Variants in NCKAP5 observed in about 807,000 individuals in gnomAD.
The protein encoded by NCKAP5 is nck-associated protein 5.
NCKAP5 carries 92 observed loss-of-function variants against 167.0 expected under a neutral mutation model. The ratio of observed to expected loss-of-function variants is 0.55; its 90% CI spans 0.47 to 0.66. The LOEUF (loss-of-function observed/expected upper bound fraction) is 0.66, where lower values mean the gene tolerates loss of function less well. Among genes scored for constraint, NCKAP5 ranks in the 30% least tolerant of loss-of-function variants. NCKAP5 has a pLI of 0.00. For synonymous variants in NCKAP5, 891 were observed against 877.4 expected (o/e 1.02, Z -0.27); for missense variants, 2,378 against 2,315.0 (o/e 1.03, Z -0.56).
At position 133,553,483 on chromosome 2, in the gene NCKAP5, A is replaced by G. The variant is rs572763716; in HGVS notation, c.-62+5567T>C. ...GCAGGGATTTGGAAATAGGGGTTGA[A>G]AAAGAACTCAAAAAATCAGATTCCA... On this transcript the variant is annotated intron_variant, in intron 2 of 19. Coordinates refer to ENST00000409261, the MANE Select transcript of NCKAP5 (RefSeq NM_207363.3). Among the ~76,000 whole-genome samples, 10 of 152,330 alleles carry G rather than the reference A, an allele frequency of 6.6e-5. 1 individual carries two copies. In the East Asian group the frequency reaches 1.9e-3, roughly 29 times the overall value.
At chr2:133,592,999 C>T in the NCKAP5 span, among the ~76,000 whole-genome samples, 27,648 of 152,114 alleles carry the variant, frequency 0.18, 2,764 homozygotes, top group Non-Finnish European at 0.22. Context: ...AGTCCTGTTA[C>T]AATCCAGTTT....
At chr2:133,080,110 C>A (rs2080752711) in intron 6 of NCKAP5, among the ~76,000 whole-genome samples, 1 of 152,062 alleles carries the variant, frequency 6.6e-6, no homozygotes, top group Non-Finnish European at 1.5e-5. Flanking sequence ...CATACAAGAC[C>A]ATACATATAT....
intron 19 of NCKAP5, among the ~76,000 whole-genome samples, chr2:132,700,810 A>G (rs1430443068): frequency 6.6e-6 from 1 of 151,688 alleles, no homozygotes; most frequent in Non-Finnish European, 1.5e-5. Context: ...GTTTAGATTC[A>G]TATGTTTTTA....
chr2:132,908,846 C>T (rs540508626), intron 8 of NCKAP5, among the ~76,000 whole-genome samples: 2 of 152,290 alleles, frequency 1.3e-5, no homozygotes, highest in African/African-American at 4.8e-5. Flanking sequence ...ACATGGATCC[C>T]TATGGCATAA....
chr2:132,905,610 A>G (rs1235356817), intron 8 of NCKAP5, among the ~76,000 whole-genome samples: 1 of 152,192 alleles, frequency 6.6e-6, no homozygotes, highest in Non-Finnish European at 1.5e-5. Context: ...TCTCTTTACT[A>G]AATTCTGCCT....
chr2:133,667,629 T>C, the NCKAP5 span, among the ~76,000 whole-genome samples: 2 of 152,052 alleles, frequency 1.3e-5, no homozygotes, highest in Non-Finnish European at 2.9e-5. Context: ...TAAAATTTCA[T>C]TTTCTTGATT....
intron 8 of NCKAP5, among the ~76,000 whole-genome samples, chr2:132,923,825 C>T (rs938138400): frequency 2.6e-5 from 4 of 151,948 alleles, no homozygotes; most frequent in African/African-American, 7.3e-5. Context: ...AAAGGATTGT[C>T]GAGAAGTGAA....
chr2:132,746,189 A>T (rs373338136), intron 16 of NCKAP5, among the ~76,000 whole-genome samples: 3 of 152,098 alleles, frequency 2.0e-5, no homozygotes, highest in Admixed American at 6.6e-5. Flanking sequence ...AGAGTGTGGT[A>T]TTGGGTAAGG....
chr2:133,663,383 G>A, the NCKAP5 span, among the ~76,000 whole-genome samples: 1 of 152,050 alleles, frequency 6.6e-6, no homozygotes. Flanking sequence ...TCAGGGTGGC[G>A]CTTTCTGAAG....
At chr2:132,707,587 C>T (rs1471337350) in intron 19 of NCKAP5, among the ~76,000 whole-genome samples, 1 of 152,214 alleles carries the variant, frequency 6.6e-6, no homozygotes, top group Non-Finnish European at 1.5e-5. Context: ...GCCTTTCACT[C>T]ATTCAACAAA....
At chr2:132,890,280 T>A (rs763596248) in intron 8 of NCKAP5, among the ~76,000 whole-genome samples, 3 of 152,160 alleles carry the variant, frequency 2.0e-5, no homozygotes, top group Admixed American at 6.5e-5. Flanking sequence ...TCTACTTAAA[T>A]AACACACTTC....
At chr2:133,462,698 C>T (rs1250562386) in intron 3 of NCKAP5, among the ~76,000 whole-genome samples, 1 of 152,038 alleles carries the variant, frequency 6.6e-6, no homozygotes. Context: ...GAATAATAAC[C>T]ATATTACCCA....
At chr2:132,711,821 T>C (rs1365328147) in intron 19 of NCKAP5, among the ~76,000 whole-genome samples, 1 of 152,148 alleles carries the variant, frequency 6.6e-6, no homozygotes, top group African/African-American at 2.4e-5. Flanking sequence ...CCTCCCTGCC[T>C]CCCTTCCTTC....
At chr2:133,554,696 C>T (rs1417643426) in intron 2 of NCKAP5, among the ~76,000 whole-genome samples, 4 of 152,174 alleles carry the variant, frequency 2.6e-5, no homozygotes, top group Non-Finnish European at 4.4e-5. Context: ...TATGTTGACC[C>T]TACCGATACA....
At chr2:132,878,362 T>TG (rs1691453720) in intron 9 of NCKAP5, among the ~76,000 whole-genome samples, 1 of 136,472 alleles carries the variant, frequency 7.3e-6, no homozygotes, top group South Asian at 2.3e-4. Context: ...ATCTACTGAT[T>TG]TTTTTCCCTC....
At chr2:133,433,634 T>C (rs1324975955) in intron 3 of NCKAP5, 1 of 152,138 alleles carries the variant, frequency 6.6e-6, no homozygotes, top group Admixed American at 6.6e-5. Context: ...CACAGAGAAA[T>C]TGTATACCTA....
At chr2:133,426,084 A>G (rs1442809686) in intron 3 of NCKAP5, among the ~76,000 whole-genome samples, 1 of 152,144 alleles carries the variant, frequency 6.6e-6, no homozygotes, top group Non-Finnish European at 1.5e-5. Context: ...AGCCTGGCCA[A>G]CATGGTGAAA....
intron 8 of NCKAP5, among the ~76,000 whole-genome samples, chr2:132,927,825 T>A (rs1696030417): frequency 1.3e-5 from 2 of 152,150 alleles, no homozygotes; most frequent in African/African-American, 4.8e-5. Context: ...ACAGAGGTAA[T>A]GGGCTTTAAT....
chr2:133,638,072 A>G, the NCKAP5 span, among the ~76,000 whole-genome samples: 868 of 152,342 alleles, frequency 5.7e-3, 8 homozygotes, highest in African/African-American at 0.019. Flanking sequence ...GAAAATAAAC[A>G]TAACTTACAA....
Sources: allele counts gnomAD v4.1 joint callset (sites outside exome capture counted in the v4.1 genomes callset), GRCh38; gene constraint gnomAD v4.1.1; transcripts MANE v1.5; gene names NCBI Gene and HGNC (gene_info 2026-07-23, HGNC 2026-07-21).